The following C1QL4 variants were observed in gnomAD, a reference collection of about 807,000 sequenced individuals.
C1QL4 encodes complement C1q-like protein 4.
C1QL4 carries 5 observed loss-of-function variants against 13.4 expected under a neutral mutation model. That is an observed-to-expected ratio of 0.37 (90% CI 0.19 to 0.78). The LOEUF (loss-of-function observed/expected upper bound fraction) is 0.78. C1QL4 is among the 30% of genes least tolerant of loss of function. The pLI, the probability that C1QL4 is intolerant of heterozygous loss-of-function variation, is 0.47. For missense variants in C1QL4, 367 were observed against 361.6 expected, an observed-to-expected ratio of 1.01 and a Z score of -0.12; for synonymous variants, 168 against 153.9, an observed-to-expected ratio of 1.09 and a Z score of -0.68.
Position 49,335,925 on chromosome 12 carries a change from G to A in C1QL4, c.537+16C>T, listed in dbSNP as rs750322845. ...AGCGACCAGTCTGAGCTGGGTTGGG[G>A]AGAGGGGCATCTCACCTGTCCGTTC... On this transcript the variant is annotated intron_variant, in intron 1 of 1. Transcript: ENST00000334221. 1.9e-6 allele frequency: 3 copies of A among 1,590,246 alleles called. No homozygotes were observed. The highest frequency in any genetic ancestry group is 2.6e-6 in the Non-Finnish European group (3 of 1,169,336).
Position 49,336,340 on chromosome 12 carries a change from A to C in C1QL4, c.138T>G (p.Pro46=). 7.0e-7 allele frequency: 1 copy of C among 1,426,864 alleles called. No individual in the cohort carries two copies. 88.4% of individuals were successfully genotyped at this position (1,426,864 alleles called of 1,614,324 possible). ...GPRGPGPDGA[P]ASVPPFPPGA... ...CTGGCGGGAAGGGGGGCACGGAAGC[A>C]GGCGCGCCGTCGGGACCAGGGCCAC... The change falls in exon 1 of 2, where the codon CCT becomes CCG. Residue 46 remains proline, a synonymous_variant. Transcript: ENST00000334221. The surrounding 1 kb of genome is among the most constrained non-coding windows in gnomAD (Gnocchi z 7.7).
chr12:49,336,089 T>C lies in C1QL4; in HGVS notation c.389A>G (p.Asp130Gly). The change falls in exon 1 of 2, where the codon GAC becomes GGC. Residue 130 changes from aspartate (D) to glycine (G), a missense_variant. By Grantham distance (94) the Asp-to-Gly change is moderately conservative. Transcript: ENST00000334221. This position sits in a 1 kb window ranked among gnomAD's most constrained non-coding sequence, Gnocchi z 7.7. ...HEGYEVLRFD[D>G]VVTNVGNAYE... ...GGCGTTGCCCACGTTGGTCACCACG[T>C]CGTCGAAGCGCAGCACCTCGTAACC... The C allele has an allele frequency of 1.2e-6, 2 of 1,612,400 alleles. No individual in the cohort carries two copies. The highest frequency in any genetic ancestry group is 1.7e-6 in the Non-Finnish European group (2 of 1,179,960).
chr12:49,333,031 C>T lies in C1QL4; in HGVS notation c.*23G>A, dbSNP rs1555173297. Reference sequence around the variant, plus strand: ...GTGAGGACGGGAGAGAAGGGGCGAGCGGGGGCACGGGGCGGGGCCGGCTCA... The same window carrying T: ...GTGAGGACGGGAGAGAAGGGGCGAGTGGGGGCACGGGGCGGGGCCGGCTCA... On this transcript the variant is annotated 3_prime_UTR_variant, in exon 2 of 2. Transcript: ENST00000334221. 3 of 1,570,268 alleles carry T rather than the reference C, an allele frequency of 1.9e-6. No homozygotes were observed. The highest frequency in any genetic ancestry group is 3.5e-5 in the Admixed American group (2 of 57,570).
intron 1 of C1QL4, among the ~76,000 whole-genome samples, chr12:49,334,386 C>A (rs924610373): frequency 6.6e-6 from 1 of 152,138 alleles, no homozygotes; most frequent in African/African-American, 2.4e-5. Context: ...GCGCGGATTT[C>A]CCGACCAAGC....
rs754418567 is a variant in C1QL4 at position 49,336,198 on chromosome 12, C to G, written c.280G>C (p.Gly94Arg). 6.4e-7 allele frequency: 1 copy of G among 1,560,246 alleles called. No individual in the cohort carries two copies. Among genetic ancestry groups the G allele is most frequent in the South Asian group, 1.2e-5 (1 of 85,826 alleles). ...GGCGCCACCCCGCCCGGACCTGGAC[C>G]GGGAGGGCCCGGGGGGCCTGGCCTG... ...PGRPGPPGPPGPGPGGVAPAA... is the reference protein window; with the variant it reads ...PGRPGPPGPPRPGPGGVAPAA... Residue 94 changes from glycine (G) to arginine (R), a missense_variant, in exon 1 of 2, where the codon GGT becomes CGT. Physicochemically the swap from Gly to Arg is moderately radical, Grantham distance 125. Coordinates refer to ENST00000334221, the MANE Select transcript of C1QL4 (RefSeq NM_001008223.2). The surrounding 1 kb of genome is among the most constrained non-coding windows in gnomAD (Gnocchi z 7.7).
intron 1 of C1QL4, among the ~76,000 whole-genome samples, chr12:49,333,485 T>G (rs80024114): frequency 0.016 from 2,368 of 151,878 alleles, 32 homozygotes; most frequent in Middle Eastern, 0.052. Context: ...ACCCACCTCA[T>G]AGGGTGTTAA....
Position 49,332,942 on chromosome 12 carries a change from T to G in C1QL4, c.*112A>C, listed in dbSNP as rs200478618. 11 of 1,161,612 alleles carry G rather than the reference T, an allele frequency of 9.5e-6. No individual in the cohort carries two copies. The South Asian group carries it at 1.7e-4, about 18-fold the overall frequency. The allele number at this position is 1,161,612 out of a possible 1,614,324, so 72.0% of individuals were successfully genotyped here. ...TAGGCCGCCTCCGGGAACGGAAGGGTCCACCCCACCGCCAGGCTCTCAAAG... is the reference window on the plus strand; with the variant it reads ...TAGGCCGCCTCCGGGAACGGAAGGGGCCACCCCACCGCCAGGCTCTCAAAG... On this transcript the variant is annotated 3_prime_UTR_variant, in exon 2 of 2. Transcript: ENST00000334221.
rs1455292044 is a variant in C1QL4 at position 49,336,211 on chromosome 12, G to C, written c.267C>G (p.Pro89=). The stretch of plus-strand genomic sequence containing the variant: ...CCGGACCTGGACCGGGAGGGCCCGG[G>C]GGGCCTGGCCTGCCGGGTTCTCCTG... ...GPPGEPGRPG[P]PGPPGPGPGG... Residue 89 remains proline, a synonymous_variant, in exon 1 of 2, where the codon CCC becomes CCG. Coordinates refer to ENST00000334221, the MANE Select transcript of C1QL4 (RefSeq NM_001008223.2). This position sits in a 1 kb window ranked among gnomAD's most constrained non-coding sequence, Gnocchi z 7.7. The C allele has an allele frequency of 1.3e-6, 2 of 1,538,328 alleles. No homozygotes were observed. The highest frequency in any genetic ancestry group is 2.7e-5 in the African/African-American group (2 of 72,932).
chr12:49,334,570 G>T (rs979059082), intron 1 of C1QL4, among the ~76,000 whole-genome samples: 20 of 152,090 alleles, frequency 1.3e-4, no homozygotes, highest in African/African-American at 4.6e-4. Flanking sequence ...ACTATTTACC[G>T]TCCCCAGGGC....
Position 49,336,296 on chromosome 12 carries a change from C to T in C1QL4, c.182G>A (p.Gly61Asp). 1 of 1,419,166 alleles carries T rather than the reference C, an allele frequency of 7.0e-7. No homozygotes were observed. The highest frequency in any genetic ancestry group is 1.5e-5 in the South Asian group (1 of 66,666). 87.9% of individuals were successfully genotyped at this position (1,419,166 alleles called of 1,614,324 possible). Residue 61 changes from glycine (G) to aspartate (D), a missense_variant, in exon 1 of 2, where the codon GGC (glycine) becomes GAC (aspartate). By Grantham distance (94) the Gly-to-Asp change is moderately conservative. Coordinates refer to ENST00000334221, the MANE Select transcript of C1QL4 (RefSeq NM_001008223.2). The surrounding 1 kb of genome is among the most constrained non-coding windows in gnomAD (Gnocchi z 7.7). ...CCGCAGGCCTGCTTTCCCGCGCCGG[C>T]CCACCTCTCCCTTGGCGCCTGGCGG... Reference protein sequence around the residue: ...PFPPGAKGEVGRRGKAGLRGP... With the variant: ...PFPPGAKGEVDRRGKAGLRGP...
chr12:49,334,939 C>G (rs891583630), intron 1 of C1QL4, among the ~76,000 whole-genome samples: 1 of 152,148 alleles, frequency 6.6e-6, no homozygotes, highest in East Asian at 1.9e-4. Context: ...GCTCCTGGGT[C>G]GCCACCACCC....
rs749225272 is a variant in C1QL4 at position 49,336,419 on chromosome 12, G to T, written c.59C>A (p.Ala20Glu). The T allele has an allele frequency of 1.1e-5, 17 of 1,546,562 alleles. No individual in the cohort carries two copies. The South Asian group carries it at 1.5e-4, about 14-fold the overall frequency. The stretch of plus-strand genomic sequence containing the variant: ...GCAGCGACCCAGCATCTCGTAGTGC[G>T]CTGGCCCGCGGGAGCTGTGCACCAG... ...PLLVHSSRGP[A>E]HYEMLGRCRM... The change falls in exon 1 of 2, where the codon GCG becomes GAG. Residue 20 changes from alanine to glutamate, a missense_variant. Coordinates refer to ENST00000334221, the MANE Select transcript of C1QL4 (RefSeq NM_001008223.2). The surrounding 1 kb of genome is among the most constrained non-coding windows in gnomAD (Gnocchi z 7.7).
At chr12:49,334,950 C>T (rs1044038228) in intron 1 of C1QL4, among the ~76,000 whole-genome samples, 2 of 152,172 alleles carry the variant, frequency 1.3e-5, no homozygotes, top group East Asian at 1.9e-4. Flanking sequence ...GCCACCACCC[C>T]CTTCATGCTG....
chr12:49,334,053 C>T (rs1030800428), intron 1 of C1QL4, among the ~76,000 whole-genome samples: 15 of 151,600 alleles, frequency 9.9e-5, no homozygotes, highest in African/African-American at 3.4e-4. Context: ...ATTAGCTGGG[C>T]GTGGTGGTAC....
Position 49,336,369 on chromosome 12 carries a change from G to A in C1QL4, c.109C>T (p.Pro37Ser), listed in dbSNP as rs570822801. The change falls in exon 1 of 2, where the codon CCC becomes TCC. Residue 37 changes from proline to serine, a missense_variant. Physicochemically the swap from Pro to Ser is moderately conservative, Grantham distance 74 (BLOSUM62 -1). Transcript: ENST00000334221. The surrounding 1 kb of genome is among the most constrained non-coding windows in gnomAD (Gnocchi z 7.7). ...RCRMVCDPHGPRGPGPDGAPA... is the reference protein window; with the variant it reads ...RCRMVCDPHGSRGPGPDGAPA... ...GCGCCGTCGGGACCAGGGCCACGGG[G>A]CCCATGCGGGTCGCACACCATGCGG... 10 of 1,459,610 alleles carry A rather than the reference G, an allele frequency of 6.9e-6. No homozygotes were observed. Among genetic ancestry groups the A allele is most frequent in the Middle Eastern group, 2.4e-4 (1 of 4,124 alleles). 90.4% of individuals were successfully genotyped at this position (1,459,610 alleles called of 1,614,324 possible).
chr12:49,336,254 G>C lies in C1QL4; in HGVS notation c.224C>G (p.Pro75Arg). 1.4e-6 allele frequency: 2 copies of C among 1,442,670 alleles called. No individual in the cohort carries two copies. Among genetic ancestry groups the C allele is most frequent in the Admixed American group, 5.7e-5 (2 of 35,244 alleles). The allele number at this position is 1,442,670 out of a possible 1,614,324, so 89.4% of individuals were successfully genotyped here. A position where few individuals can be genotyped will look rare whatever the true frequency, so the allele number is the denominator to read the frequency against. Residue 75 changes from proline (P) to arginine (R), a missense_variant, in exon 1 of 2, where the codon CCA (proline) becomes CGA (arginine). Coordinates refer to ENST00000334221, the MANE Select transcript of C1QL4 (RefSeq NM_001008223.2). The surrounding 1 kb of genome is among the most constrained non-coding windows in gnomAD (Gnocchi z 7.7). ...KAGLRGPPGP[P>R]GPRGPPGEPG... The stretch of plus-strand genomic sequence containing the variant: ...TTCTCCTGGGGGCCCTCTTGGACCT[G>C]GTGGTCCAGGGGGCCCCCGCAGGCC...
At position 49,332,774 on chromosome 12, in the gene C1QL4, G is replaced by A. The variant is rs1825989706; in HGVS notation, c.*280C>T. On this transcript the variant is annotated 3_prime_UTR_variant, in exon 2 of 2. Transcript: ENST00000334221. ...AACTGCTCCCCATCTCTGTACAAAA[G>A]AGAAAGCCACGACCTCTGCCCCTAT... The A allele has an allele frequency of 1.4e-5, 6 of 428,800 alleles. No homozygotes were observed. Among genetic ancestry groups the A allele is most frequent in the Non-Finnish European group, 2.5e-5 (6 of 240,220 alleles). 26.6% of individuals were successfully genotyped at this position (428,800 alleles called of 1,614,324 possible).
In C1QL4 at chr12:49,333,141, G is replaced by A; in HGVS notation, c.630C>T (p.Val210=). The A allele has an allele frequency of 6.2e-7, 1 of 1,614,184 alleles. No individual in the cohort carries two copies. Among genetic ancestry groups the A allele is most frequent in the African/African-American group, 1.3e-5 (1 of 75,064 alleles). Residue 210 remains valine, a synonymous_variant, in exon 2 of 2, where the codon GTC becomes GTT. Transcript: ENST00000334221. ...CTTTCCCGCCGTCCAGCTTGATGAA[G>A]ACCTCGTCGCCCACGTCCAGGTGCA... ...VILHLDVGDE[V]FIKLDGGKVH... is the part of the protein sequence containing the mutation.
rs1054074539 is a variant in C1QL4 at position 49,332,973 on chromosome 12, G to C, written c.*81C>G. 2 of 1,400,490 alleles carry C rather than the reference G, an allele frequency of 1.4e-6. No individual in the cohort carries two copies. The highest frequency in any genetic ancestry group is 2.9e-5 in the African/African-American group (2 of 70,158). The allele number at this position is 1,400,490 out of a possible 1,614,324, so 86.8% of individuals were successfully genotyped here. A position where few individuals can be genotyped will look rare whatever the true frequency, so the allele number is the denominator to read the frequency against. ...CCACCGCCAGGCTCTCAAAGGGTGG[G>C]GTGGCGCCTCGGGTGGGGCGGGCAG... On this transcript the variant is annotated 3_prime_UTR_variant, in exon 2 of 2. Coordinates refer to ENST00000334221, the MANE Select transcript of C1QL4 (RefSeq NM_001008223.2).
Sources: gnomAD v4.1 joint callset for allele counts (sites outside exome capture counted in the v4.1 genomes callset) on GRCh38, gnomAD v4.1.1 for gene constraint, Gnocchi (gnomAD v3.1) non-coding constraint, MANE v1.5 for transcripts, NCBI Gene and HGNC (gene_info 2026-07-23, HGNC 2026-07-21) for gene names.